Variants in FAF1 observed in about 807,000 individuals in gnomAD.
The protein encoded by FAF1 is FAS-associated factor 1.
In FAF1, 25 loss-of-function variants were observed where a neutral mutation model predicts 92.5. The ratio of observed to expected loss-of-function variants is 0.27; its 90% confidence interval spans 0.20 to 0.38. The LOEUF (loss-of-function observed/expected upper bound fraction) is 0.38, where lower values mean the gene tolerates loss of function less well. Ranked by LOEUF, FAF1 falls within the 10% of genes least tolerant of loss-of-function variation. The pLI, the probability that FAF1 is intolerant of heterozygous loss-of-function variation, is 1.00. For synonymous variants in FAF1, 234 were observed against 273.2 expected, an observed-to-expected ratio of 0.86 and a Z score of 1.42; for missense variants, 636 against 793.3, an observed-to-expected ratio of 0.80 and a Z score of 2.38.
At chr1:50,474,532 T>C (rs1268686724) in intron 18 of FAF1, among the ~76,000 whole-genome samples, 1 of 152,158 alleles carries the variant, frequency 6.6e-6, no homozygotes, top group African/African-American at 2.4e-5. Context: ...TAGTTTATCT[T>C]AGTGCAGAGT....
At chr1:50,589,162 G>A (rs1677181341) in intron 9 of FAF1, among the ~76,000 whole-genome samples, 1 of 152,138 alleles carries the variant, frequency 6.6e-6, no homozygotes, top group Admixed American at 6.5e-5. Flanking sequence ...TAGCTGCTGG[G>A]GTAAGCCTCA....
At chr1:50,798,009 C>T (rs1661826515) in intron 3 of FAF1, among the ~76,000 whole-genome samples, 1 of 151,380 alleles carries the variant, frequency 6.6e-6, no homozygotes. Context: ...AGGAACTCTG[C>T]ACTTGTTTAT....
chr1:50,811,339 AAAC>A (rs553406271), intron 2 of FAF1, among the ~76,000 whole-genome samples: 136 of 152,264 alleles, frequency 8.9e-4, no homozygotes, highest in Non-Finnish European at 1.4e-3. Context: ...CAAACAACAA[AAAC>A]AACAACAGCA....
At chr1:50,777,623 A>T (rs1370904955) in intron 4 of FAF1, among the ~76,000 whole-genome samples, 1 of 152,184 alleles carries the variant, frequency 6.6e-6, no homozygotes, top group Admixed American at 6.5e-5. Context: ...AGAAAATTTG[A>T]TAAGTTTGGA....
chr1:50,450,193 C>CAAA (rs558054363), intron 18 of FAF1, among the ~76,000 whole-genome samples: 7 of 75,946 alleles, frequency 9.2e-5, no homozygotes, highest in African/African-American at 2.9e-4. Flanking sequence ...GACTCCATCT[C>CAAA]AAAAAAAAAA....
rs184775995 is a variant in FAF1 at position 50,462,897 on chromosome 1, C to T, written c.1869+12567G>A. ...GTAAACTCCAGAAGTGAATTTGAGACATGAATATCTTAAAAAACAAAGTTA... is the reference window on the plus strand; with the variant it reads ...GTAAACTCCAGAAGTGAATTTGAGATATGAATATCTTAAAAAACAAAGTTA... On this transcript the variant is annotated intron_variant, in intron 18 of 18. Coordinates refer to ENST00000396153, the MANE Select transcript of FAF1 (RefSeq NM_007051.3). Among the ~76,000 whole-genome samples the T allele has an allele frequency of 1.1e-4, 16 of 152,256 alleles. No individual in the cohort carries two copies. The East Asian group carries it at 2.7e-3, about 26-fold the overall frequency.
intron 2 of FAF1, among the ~76,000 whole-genome samples, chr1:50,812,104 A>T (rs1042079588): frequency 1.3e-5 from 2 of 151,876 alleles, no homozygotes; most frequent in East Asian, 1.9e-4. Flanking sequence ...CTAAAACCTC[A>T]AAGATAACCT....
At chr1:50,555,078 C>T (rs1025075305) in intron 13 of FAF1, among the ~76,000 whole-genome samples, 8 of 151,990 alleles carry the variant, frequency 5.3e-5, no homozygotes, top group Non-Finnish European at 1.0e-4. Flanking sequence ...AATAGCTGGG[C>T]ATGGCGGCAT....
intron 13 of FAF1, among the ~76,000 whole-genome samples, chr1:50,559,775 A>G (rs2149051821): frequency 6.6e-6 from 1 of 152,206 alleles, no homozygotes; most frequent in East Asian, 1.9e-4. Flanking sequence ...CACAAAACAA[A>G]CCAGGGAGAA....
chr1:50,690,455 G>T (rs557341282), intron 7 of FAF1, among the ~76,000 whole-genome samples: 1 of 152,112 alleles, frequency 6.6e-6, no homozygotes, highest in African/African-American at 2.4e-5. Flanking sequence ...AAAACAATTA[G>T]CTGGGTGTGG....
intron 7 of FAF1, among the ~76,000 whole-genome samples, chr1:50,680,997 T>C (rs915324840): frequency 2.0e-5 from 3 of 152,074 alleles, no homozygotes; most frequent in Non-Finnish European, 4.4e-5. Flanking sequence ...ACTAGCCATA[T>C]ATTATAGATT....
rs532876784 is a variant in FAF1, at chr1:50,638,070, C to T, written c.744+17372G>A. The stretch of plus-strand genomic sequence containing the variant: ...TATTTCATGTTTTTGGATAGAATTG[C>T]GAGTCATATAAGTTTTCTAAAACCC... On this transcript the variant is annotated intron_variant, in intron 8 of 18. Coordinates refer to ENST00000396153, the MANE Select transcript of FAF1 (RefSeq NM_007051.3). 2.8e-3 allele frequency among the ~76,000 whole-genome samples: 429 copies of T among 151,976 alleles called. 5 individuals are homozygous for T. Among genetic ancestry groups the T allele is most frequent in the Non-Finnish European group, 4.7e-3 (319 of 67,978 alleles).
chr1:50,590,982 CAA>C (rs549834705), intron 9 of FAF1, among the ~76,000 whole-genome samples: 2 of 113,404 alleles, frequency 1.8e-5, no homozygotes, highest in African/African-American at 3.3e-5. Context: ...ACTCTGTCTC[CAA>C]AAAAAAAAAA....
intron 6 of FAF1, among the ~76,000 whole-genome samples, chr1:50,723,123 G>C (rs1658482503): frequency 6.6e-6 from 1 of 152,158 alleles, no homozygotes; most frequent in Non-Finnish European, 1.5e-5. Context: ...GATGAGGGCT[G>C]GGTGTGGTGG....
intron 7 of FAF1, among the ~76,000 whole-genome samples, chr1:50,687,119 G>C (rs1489549444): frequency 6.6e-6 from 1 of 152,114 alleles, no homozygotes; most frequent in Non-Finnish European, 1.5e-5. Flanking sequence ...ATAAGCCATG[G>C]TGCCCGACCT....
intron 1 of FAF1, among the ~76,000 whole-genome samples, chr1:50,860,407 A>AC (rs1382600049): frequency 1.3e-5 from 2 of 151,898 alleles, no homozygotes; most frequent in Admixed American, 1.3e-4. Context: ...TCAACAAGCA[A>AC]AAGACAAGTA....
chr1:50,656,246 C>G (rs925683698), intron 7 of FAF1, among the ~76,000 whole-genome samples: 11 of 151,016 alleles, frequency 7.3e-5, no homozygotes, highest in African/African-American at 2.7e-4. Context: ...GCAGGAGAAT[C>G]GTTTGCATCC....
intron 1 of FAF1, among the ~76,000 whole-genome samples, chr1:50,923,937 CAT>C (rs1644984980): frequency 6.6e-6 from 1 of 152,108 alleles, no homozygotes; most frequent in Admixed American, 6.6e-5. Flanking sequence ...GTAATAAACC[CAT>C]ATATGACATA....
chr1:50,746,282 ATATATATATATTTTTTTTTTTTTTTT>A (rs1659608958), intron 4 of FAF1, among the ~76,000 whole-genome samples: 1 of 18,694 alleles, frequency 5.3e-5, no homozygotes, highest in Non-Finnish European at 8.6e-5. Flanking sequence ...ATATATATAT[ATATATATATATTTTTTTTTTTTTTTT>A]TTTTTTTTTT....
Sources: allele counts gnomAD v4.1 joint callset (sites outside exome capture counted in the v4.1 genomes callset), GRCh38; gene constraint gnomAD v4.1.1; transcripts MANE v1.5; gene names NCBI Gene and HGNC (gene_info 2026-07-23, HGNC 2026-07-21).